Variants in NOTCH2NLC observed in about 807,000 individuals in gnomAD.
The protein encoded by NOTCH2NLC is notch homolog 2 N-terminal-like protein C.
In NOTCH2NLC, 4 loss-of-function variants were observed where a neutral mutation model predicts 17.7. The ratio of observed to expected loss-of-function variants is 0.23; its 90% CI spans 0.11 to 0.52. The LOEUF is 0.52. NOTCH2NLC is among the 20% of genes least tolerant of loss of function. The pLI is 0.96. For synonymous variants in NOTCH2NLC, 18 were observed against 86.0 expected, an observed-to-expected ratio of 0.21 and a Z score of 4.38; for missense variants, 57 against 207.2, an observed-to-expected ratio of 0.28 and a Z score of 4.45.
rs1324595229 is a variant in NOTCH2NLC at position 149,471,366 on chromosome 1, T to A, written c.*7213T>A. On this transcript the variant is annotated 3_prime_UTR_variant, in exon 5 of 5. Coordinates refer to ENST00000650865, the MANE Select transcript of NOTCH2NLC (RefSeq NM_001364013.2). ...ATTTTTTCTTTTGTTGCTTGTGCTT[T>A]CAGTCATATTTGTGAAAACTTTGCT... Among the ~76,000 whole-genome samples the A allele has an allele frequency of 6.0e-5, 9 of 149,532 alleles. No individual in the cohort carries two copies.
At chr1:149,398,939 C>T (rs2084227889) in intron 1 of NOTCH2NLC, among the ~76,000 whole-genome samples, 1 of 151,946 alleles carries the variant, frequency 6.6e-6, no homozygotes, top group Non-Finnish European at 1.5e-5. Flanking sequence ...GAACCTGTTT[C>T]TGGGTTAAGA....
intron 1 of NOTCH2NLC, among the ~76,000 whole-genome samples, chr1:149,420,063 G>C (rs1431858696): frequency 2.0e-5 from 3 of 148,138 alleles, no homozygotes; most frequent in Non-Finnish European, 3.0e-5. Context: ...GTAGAGATGG[G>C]GTTTCACCGT....
intron 2 of NOTCH2NLC, among the ~76,000 whole-genome samples, chr1:149,448,881 A>C (rs2084571657): frequency 7.0e-6 from 1 of 142,716 alleles, no homozygotes; most frequent in African/African-American, 2.6e-5. Flanking sequence ...ACTAGCTGTG[A>C]ATTTTTTTTT....
rs2084154538 is a variant in NOTCH2NLC, at chr1:149,390,741, G to A, written c.-47G>A. On this transcript the variant is annotated 5_prime_UTR_variant, in exon 1 of 5. Coordinates refer to ENST00000650865, the MANE Select transcript of NOTCH2NLC (RefSeq NM_001364013.2). Reference sequence around the variant, plus strand: ...GCCAGGGCCTGAGCCTTTGAAGCAGGAGGAGGGGAGGAGAGAGTGGGGCTC... The same window carrying A: ...GCCAGGGCCTGAGCCTTTGAAGCAGAAGGAGGGGAGGAGAGAGTGGGGCTC... The A allele has an allele frequency of 1.0e-5, 13 of 1,249,346 alleles. No homozygotes were observed. Among genetic ancestry groups the A allele is most frequent in the Non-Finnish European group, 1.3e-5 (13 of 997,006 alleles). The allele number at this position is 1,249,346 out of a possible 1,614,324, so 77.4% of individuals were successfully genotyped here.
rs1366876278 is a variant in NOTCH2NLC at position 149,419,853 on chromosome 1, ATATTTTTTTTT to A, written c.136-11087_136-11077del. On this transcript the variant is annotated intron_variant, in intron 1 of 4. Coordinates refer to ENST00000650865, the MANE Select transcript of NOTCH2NLC (RefSeq NM_001364013.2). ...TTGAAGTTCAGGAATATATATATAT[ATATTTTTTTTT>A]TTTTTTTTTTTTTTTTTCCTCAGGC... Among the ~76,000 whole-genome samples, 34 of 110,888 alleles carry A rather than the reference ATATTTTTTTTT, an allele frequency of 3.1e-4. 1 individual carries two copies. The highest frequency in any genetic ancestry group is 1.2e-3 in the African/African-American group (33 of 27,576). 72.7% of individuals were successfully genotyped at this position (110,888 alleles called of 152,430 possible). A position where few individuals can be genotyped will look rare whatever the true frequency, so the allele number is the denominator to read the frequency against.
In NOTCH2NLC at chr1:149,464,694, A is replaced by G. The variant is rs1163625746; in HGVS notation, c.*541A>G. On this transcript the variant is annotated 3_prime_UTR_variant, in exon 5 of 5. Coordinates refer to ENST00000650865, the MANE Select transcript of NOTCH2NLC (RefSeq NM_001364013.2). ...GAATTTTGATTGGGAACAGAATACA[A>G]GCAGCTGAAGCAGATGAATTACTAA... The G allele has an allele frequency of 6.7e-6, 1 of 150,272 alleles. No homozygotes were observed. The highest frequency in any genetic ancestry group is 2.0e-4 in the East Asian group (1 of 4,930). 9.3% of individuals were successfully genotyped at this position (150,272 alleles called of 1,614,324 possible). A position where few individuals can be genotyped will look rare whatever the true frequency, so the allele number is the denominator to read the frequency against.
At chr1:149,393,092 AAAG>A (rs1310858688) in intron 1 of NOTCH2NLC, among the ~76,000 whole-genome samples, 5 of 148,526 alleles carry the variant, frequency 3.4e-5, no homozygotes, top group African/African-American at 1.2e-4. Context: ...AAAAAAAAAA[AAAG>A]TATTAAATAA....
intron 1 of NOTCH2NLC, among the ~76,000 whole-genome samples, chr1:149,395,116 T>G (rs1178579712): frequency 2.7e-5 from 4 of 150,694 alleles, no homozygotes; most frequent in Non-Finnish European, 5.9e-5. Flanking sequence ...AATGCGCTTA[T>G]GTGCACAAAA....
intron 1 of NOTCH2NLC, among the ~76,000 whole-genome samples, chr1:149,417,038 G>A (rs2084339424): frequency 7.5e-6 from 1 of 133,260 alleles, no homozygotes; most frequent in African/African-American, 2.8e-5. Flanking sequence ...ACCTGAGAAT[G>A]TTGTAGTCAC....
intron 1 of NOTCH2NLC, among the ~76,000 whole-genome samples, chr1:149,415,873 C>T (rs1377211826): frequency 6.7e-6 from 1 of 149,686 alleles, no homozygotes; most frequent in Non-Finnish European, 1.5e-5. Context: ...AGATTTCTAT[C>T]ACCAAATACC....
intron 3 of NOTCH2NLC, among the ~76,000 whole-genome samples, chr1:149,460,901 T>A (rs1363476307): frequency 1.5e-5 from 1 of 66,300 alleles, no homozygotes; most frequent in Admixed American, 1.7e-4. Context: ...CTTTCTTTCT[T>A]TCTTTCTTTC....
chr1:149,462,874 T>C (rs1235817398), intron 3 of NOTCH2NLC, among the ~76,000 whole-genome samples: 16 of 144,346 alleles, frequency 1.1e-4, no homozygotes, highest in African/African-American at 3.3e-4. Context: ...CTTGCTGTGT[T>C]GCCCAGGCTG....
Position 149,464,869 on chromosome 1 carries a change from G to T in NOTCH2NLC, c.*716G>T, listed in dbSNP as rs2101516256. On this transcript the variant is annotated 3_prime_UTR_variant, in exon 5 of 5. Coordinates refer to ENST00000650865, the MANE Select transcript of NOTCH2NLC (RefSeq NM_001364013.2). ...TTCAGAGTGGGAATCTTAGATTCTG[G>T]TATTGTGGATATGGTTCACATATAA... 6.7e-6 allele frequency: 1 copy of T among 150,332 alleles called. No homozygotes were observed. The highest frequency in any genetic ancestry group is 2.0e-4 in the East Asian group (1 of 5,070). 9.3% of individuals were successfully genotyped at this position (150,332 alleles called of 1,614,324 possible). A position where few individuals can be genotyped will look rare whatever the true frequency, so the allele number is the denominator to read the frequency against.
At chr1:149,414,549 A>T (rs2084319724) in intron 1 of NOTCH2NLC, among the ~76,000 whole-genome samples, 1 of 151,184 alleles carries the variant, frequency 6.6e-6, no homozygotes, top group African/African-American at 2.4e-5. Context: ...ACATTTTTAA[A>T]GCATGAACGG....
At chr1:149,425,501 A>G (rs1214834395) in intron 1 of NOTCH2NLC, among the ~76,000 whole-genome samples, 2 of 151,438 alleles carry the variant, frequency 1.3e-5, no homozygotes, top group Non-Finnish European at 3.0e-5. Context: ...AATACTGGGC[A>G]CGTAAAGTAA....
At position 149,429,284 on chromosome 1, in the gene NOTCH2NLC, C is replaced by T. The variant is rs1365135180; in HGVS notation, c.136-1658C>T. 3.8e-3 allele frequency among the ~76,000 whole-genome samples: 578 copies of T among 150,654 alleles called. 24 individuals carry two copies. Among genetic ancestry groups the T allele is most frequent in the South Asian group, 8.2e-3 (39 of 4,744 alleles). On this transcript the variant is annotated intron_variant, in intron 1 of 4. Transcript: ENST00000650865. ...AAAGAGGCCACTTATTCTCTCTGGC[C>T]TCTACTATTGGTAAATGGGTATAAT...
chr1:149,393,387 G>A (rs1327481403), intron 1 of NOTCH2NLC, among the ~76,000 whole-genome samples: 1 of 150,942 alleles, frequency 6.6e-6, no homozygotes, highest in Non-Finnish European at 1.5e-5. Flanking sequence ...CTACAGTGAA[G>A]GCTTCTTGAA....
At position 149,470,344 on chromosome 1, in the gene NOTCH2NLC, AC is replaced by A. The variant is rs2084709615; in HGVS notation, c.*6193del. 6.6e-6 allele frequency among the ~76,000 whole-genome samples: 1 copy of A among 151,198 alleles called. No individual in the cohort carries two copies. Among genetic ancestry groups the A allele is most frequent in the South Asian group, 2.1e-4 (1 of 4,798 alleles). ...AATAGCTTTGAGATATAATTTATAT[AC>A]CATACAATTTACTTCTTAAAAAAGT... On this transcript the variant is annotated 3_prime_UTR_variant, in exon 5 of 5. Coordinates refer to ENST00000650865, the MANE Select transcript of NOTCH2NLC (RefSeq NM_001364013.2).
intron 2 of NOTCH2NLC, among the ~76,000 whole-genome samples, chr1:149,432,603 T>TGCTTTA (rs1214169302): frequency 6.6e-6 from 1 of 151,160 alleles, no homozygotes; most frequent in Non-Finnish European, 1.5e-5. Flanking sequence ...CTTAGTTGCT[T>TGCTTTA]GCTTTATTCT....
Sources: gnomAD v4.1 joint callset for allele counts (sites outside exome capture counted in the v4.1 genomes callset) on GRCh38, gnomAD v4.1.1 for gene constraint, MANE v1.5 for transcripts, NCBI Gene and HGNC (gene_info 2026-07-23, HGNC 2026-07-21) for gene names.